CSMD1: variants seen among roughly 807,000 people sequenced by gnomAD.
CSMD1 encodes CUB and Sushi multiple domains 1.
In CSMD1, 213 loss-of-function variants were observed where a neutral mutation model predicts 417.5. The observed-to-expected ratio is 0.51, with a 90% CI of 0.46 to 0.57. The LOEUF is 0.57. Among genes scored for constraint, CSMD1 ranks in the 20% least tolerant of loss-of-function variants. CSMD1 has a pLI of 0.00. For missense variants in CSMD1, 6,923 were observed against 4,529.7 expected, an observed-to-expected ratio of 1.53 and a Z score of -15.17; for synonymous variants, 2,862 against 1,736.8, an observed-to-expected ratio of 1.65 and a Z score of -16.11.
At chr8:3,183,656 G>C (rs745701704) in intron 36 of CSMD1, among the ~76,000 whole-genome samples, 9 of 151,732 alleles carry the variant, frequency 5.9e-5, no homozygotes, top group Non-Finnish European at 1.3e-4. Context: ...GTCACGAACT[G>C]AACGCCTAAT....
At chr8:4,102,558 G>A (rs950728896) in intron 3 of CSMD1, among the ~76,000 whole-genome samples, 3 of 150,902 alleles carry the variant, frequency 2.0e-5, no homozygotes, top group Non-Finnish European at 4.4e-5. Context: ...GCTTATCACA[G>A]GAGGCTGACT....
chr8:4,482,998 T>G lies in CSMD1; in HGVS notation c.303-62933A>C, dbSNP rs192730575. ...TAATGGAGTTAGGTAGTAAAATAGT[T>G]TAGCAATTGATTGGTTTGGCTCTGC... On this transcript the variant is annotated intron_variant, in intron 2 of 69. Transcript: ENST00000635120. Among the ~76,000 whole-genome samples, 3 of 152,246 alleles carry G rather than the reference T, an allele frequency of 2.0e-5. No homozygotes were observed. The East Asian group carries it at 5.8e-4, about 29-fold the overall frequency.
chr8:3,205,476 T>A (rs765081365), intron 31 of CSMD1, 28 bp downstream of exon 31: 11 of 1,096,036 alleles, frequency 1.0e-5, no homozygotes, highest in Non-Finnish European at 1.4e-5. Context: ...AATATGACAA[T>A]GAATTAAAAA....
chr8:3,198,673 T>C (rs1469902660), intron 33 of CSMD1, among the ~76,000 whole-genome samples: 8 of 152,204 alleles, frequency 5.3e-5, no homozygotes, highest in Non-Finnish European at 1.2e-4. Context: ...GTTTTTACAC[T>C]GAACTGTTTT....
chr8:3,747,293 T>C lies in CSMD1; in HGVS notation c.931+6637A>G, dbSNP rs142587847. 4.3e-4 allele frequency among the ~76,000 whole-genome samples: 65 copies of C among 152,346 alleles called. No homozygotes were observed. The Middle Eastern group carries it at 0.034, about 80-fold the overall frequency. ...CCCATGCCATCCAGGAGGGATTCTC[T>C]AGGTAATTTTATGTGGCCCCATTTG... is the stretch of plus-strand genomic sequence containing the variant. On this transcript the variant is annotated intron_variant, in intron 6 of 69. Transcript: ENST00000635120.
chr8:4,281,233 G>C (rs970704428), intron 3 of CSMD1, among the ~76,000 whole-genome samples: 2 of 152,166 alleles, frequency 1.3e-5, no homozygotes, highest in African/African-American at 2.4e-5. Context: ...GCTACCTTAA[G>C]TATGATCTCA....
At chr8:3,388,841 T>C (rs774812391) in intron 17 of CSMD1, among the ~76,000 whole-genome samples, 1 of 151,334 alleles carries the variant, frequency 6.6e-6, no homozygotes, top group African/African-American at 2.4e-5. Flanking sequence ...TAGAAATCTA[T>C]TACCTACCAC....
chr8:4,760,511 A>G (rs1227072195), intron 1 of CSMD1, among the ~76,000 whole-genome samples: 1 of 152,196 alleles, frequency 6.6e-6, no homozygotes, highest in Non-Finnish European at 1.5e-5. Flanking sequence ...CCCAATCAAT[A>G]GAAAGCTTTT....
intron 2 of CSMD1, among the ~76,000 whole-genome samples, chr8:4,632,997 G>C (rs1757901990): frequency 6.6e-6 from 1 of 152,092 alleles, no homozygotes; most frequent in Non-Finnish European, 1.5e-5. Context: ...TCCGATCATG[G>C]ACTTTCTTGA....
chr8:4,556,824 T>C (rs948449695), intron 2 of CSMD1, among the ~76,000 whole-genome samples: 3 of 152,306 alleles, frequency 2.0e-5, no homozygotes, highest in African/African-American at 7.2e-5. Context: ...CAAACACTCA[T>C]TGGAGCACTT....
At chr8:4,352,985 C>T (rs1421418707) in intron 3 of CSMD1, among the ~76,000 whole-genome samples, 1 of 152,178 alleles carries the variant, frequency 6.6e-6, no homozygotes, top group Non-Finnish European at 1.5e-5. Context: ...CCTTTGAATG[C>T]AACATTAAAA....
At chr8:4,162,289 C>A (rs1051968830) in intron 3 of CSMD1, among the ~76,000 whole-genome samples, 1 of 152,048 alleles carries the variant, frequency 6.6e-6, no homozygotes, top group Non-Finnish European at 1.5e-5. Flanking sequence ...ATAAAGTTTG[C>A]TAAAGAAAAC....
intron 1 of CSMD1, among the ~76,000 whole-genome samples, chr8:4,867,315 T>A (rs1231004804): frequency 6.6e-6 from 1 of 152,064 alleles, no homozygotes; most frequent in African/African-American, 2.4e-5. Context: ...CCCCACTGTT[T>A]ATATCTTGTC....
At chr8:4,557,101 T>C (rs956885221) in intron 2 of CSMD1, among the ~76,000 whole-genome samples, 2 of 152,220 alleles carry the variant, frequency 1.3e-5, no homozygotes, top group Non-Finnish European at 2.9e-5. Flanking sequence ...GCTGTCAAAA[T>C]GCAATCTCTG....
chr8:3,530,731 G>C (rs992481072), intron 10 of CSMD1, among the ~76,000 whole-genome samples: 7 of 152,082 alleles, frequency 4.6e-5, no homozygotes, highest in African/African-American at 1.7e-4. Context: ...GTTTCACCAT[G>C]TTGGCCAGGC....
intron 3 of CSMD1, among the ~76,000 whole-genome samples, chr8:4,235,084 G>A (rs766078407): frequency 2.6e-5 from 4 of 152,094 alleles, no homozygotes; most frequent in Non-Finnish European, 5.9e-5. Flanking sequence ...TCCCTTTCCA[G>A]GGGACTTCAA....
At chr8:4,187,852 GC>G (rs1421603142) in intron 3 of CSMD1, among the ~76,000 whole-genome samples, 1 of 151,864 alleles carries the variant, frequency 6.6e-6, no homozygotes, top group Non-Finnish European at 1.5e-5. Flanking sequence ...TATTTCATAG[GC>G]AGTTTTATAC....
chr8:4,466,279 G>A (rs549721841), intron 2 of CSMD1, among the ~76,000 whole-genome samples: 1 of 152,208 alleles, frequency 6.6e-6, no homozygotes, highest in Admixed American at 6.5e-5. Context: ...TAAGCTTGAT[G>A]AGGAAGAAAA....
chr8:4,525,098 G>T (rs1353253124), intron 2 of CSMD1, among the ~76,000 whole-genome samples: 2 of 152,150 alleles, frequency 1.3e-5, no homozygotes, highest in Admixed American at 1.3e-4. Context: ...CTTTCTGAAA[G>T]ATGATCCAGA....
Sources: gnomAD v4.1 joint callset for allele counts (sites outside exome capture counted in the v4.1 genomes callset) on GRCh38, gnomAD v4.1.1 for gene constraint, MANE v1.5 for transcripts, NCBI Gene and HGNC (gene_info 2026-07-23, HGNC 2026-07-21) for gene names.